The following ZNF385B variants were observed in gnomAD, a reference collection of about 807,000 sequenced individuals.
The protein encoded by ZNF385B is zinc finger protein 533.
A neutral mutation model predicts 39.2 loss-of-function variants in ZNF385B; 23 were observed. The ratio of observed to expected loss-of-function variants is 0.59; its 90% CI spans 0.42 to 0.83. The LOEUF is 0.83. Among genes scored for constraint, ZNF385B ranks in the 40% least tolerant of loss-of-function variants. ZNF385B has a pLI of 0.00. For missense variants in ZNF385B, 552 were observed against 598.9 expected, an observed-to-expected ratio of 0.92 and a Z score of 0.82; for synonymous variants, 205 against 222.6, an observed-to-expected ratio of 0.92 and a Z score of 0.70.
At chr2:179,627,658 T>C (rs1690785974) in intron 3 of ZNF385B, among the ~76,000 whole-genome samples, 1 of 152,194 alleles carries the variant, frequency 6.6e-6, no homozygotes, top group African/African-American at 2.4e-5. Flanking sequence ...GAAATCAGCC[T>C]TGGTGGGAGT....
At chr2:179,658,981 T>C (rs770938443) in intron 3 of ZNF385B, among the ~76,000 whole-genome samples, 8 of 152,202 alleles carry the variant, frequency 5.3e-5, no homozygotes, top group Non-Finnish European at 1.0e-4. Context: ...TTCACCATGT[T>C]GGCCAGGCTG....
rs189754767 is a variant in ZNF385B at position 179,771,085 on chromosome 2, T to C, written c.-154-413A>G. Reference sequence around the variant, plus strand: ...TATGTGTGGGAAAGAATGGCTGAGGTGGCAGTGCTGTGCCATAAGAGATGA... The same window carrying C: ...TATGTGTGGGAAAGAATGGCTGAGGCGGCAGTGCTGTGCCATAAGAGATGA... On this transcript the variant is annotated intron_variant, in intron 1 of 9. Coordinates refer to ENST00000410066, the MANE Select transcript of ZNF385B (RefSeq NM_152520.6). Among the ~76,000 whole-genome samples, 9 of 152,164 alleles carry C rather than the reference T, an allele frequency of 5.9e-5. No homozygotes were observed. In the East Asian group the frequency reaches 1.7e-3, roughly 29 times the overall value.
chr2:179,759,673 C>G (rs1022449245), intron 3 of ZNF385B, among the ~76,000 whole-genome samples: 1 of 152,180 alleles, frequency 6.6e-6, no homozygotes, highest in African/African-American at 2.4e-5. Flanking sequence ...CTCTGAGAAG[C>G]CTTCCTTGAC....
chr2:179,595,314 T>C (rs904809247), intron 3 of ZNF385B, among the ~76,000 whole-genome samples: 6 of 152,212 alleles, frequency 3.9e-5, no homozygotes, highest in African/African-American at 1.4e-4. Flanking sequence ...CTGTGGGAGA[T>C]ACTTATGGAT....
chr2:179,756,311 A>T (rs187382492), intron 3 of ZNF385B, among the ~76,000 whole-genome samples: 1 of 152,066 alleles, frequency 6.6e-6, no homozygotes, highest in Non-Finnish European at 1.5e-5. Flanking sequence ...ATTGGCACCC[A>T]CTCTCTTCTG....
chr2:179,589,430 A>G (rs774852107), intron 3 of ZNF385B, among the ~76,000 whole-genome samples: 13 of 152,184 alleles, frequency 8.5e-5, no homozygotes, highest in Non-Finnish European at 1.8e-4. Context: ...AGAACACCAA[A>G]GAGGAGAACA....
chr2:179,696,717 A>G (rs577117318), intron 3 of ZNF385B, among the ~76,000 whole-genome samples: 2 of 152,246 alleles, frequency 1.3e-5, no homozygotes, highest in South Asian at 4.1e-4. Flanking sequence ...AGAACTTTGC[A>G]TTTAAAAAAA....
chr2:179,638,331 C>T (rs1202764875), intron 3 of ZNF385B, among the ~76,000 whole-genome samples: 1 of 152,152 alleles, frequency 6.6e-6, no homozygotes, highest in African/African-American at 2.4e-5. Context: ...TAAAAATCTT[C>T]TGACTATATG....
At chr2:179,494,643 T>C (rs1298359212) in intron 5 of ZNF385B, among the ~76,000 whole-genome samples, 2 of 152,002 alleles carry the variant, frequency 1.3e-5, no homozygotes, top group African/African-American at 2.4e-5. Flanking sequence ...AACAATTACG[T>C]AGTTAAAAGT....
chr2:179,619,561 A>G (rs1311627890), intron 3 of ZNF385B, among the ~76,000 whole-genome samples: 2 of 152,220 alleles, frequency 1.3e-5, no homozygotes, highest in African/African-American at 4.8e-5. Context: ...GCTGAAAAAG[A>G]AACAGTGATA....
At chr2:179,840,816 C>T (rs966907625) in intron 1 of ZNF385B, among the ~76,000 whole-genome samples, 2 of 152,156 alleles carry the variant, frequency 1.3e-5, no homozygotes, top group African/African-American at 4.8e-5. Context: ...ACTAACATTT[C>T]TCAACTATGC....
intron 1 of ZNF385B, among the ~76,000 whole-genome samples, chr2:179,773,186 A>T (rs765869192): frequency 2.5e-4 from 38 of 152,198 alleles, no homozygotes; most frequent in Admixed American, 7.2e-4. Flanking sequence ...TTGAAAAAAA[A>T]AGGAAACTGA....
intron 3 of ZNF385B, among the ~76,000 whole-genome samples, chr2:179,761,756 C>CTTTTTTTT (rs1420842226): frequency 9.1e-6 from 1 of 109,584 alleles, no homozygotes. Context: ...CATTTTTTTT[C>CTTTTTTTT]TTTTCTTTTT....
intron 5 of ZNF385B, among the ~76,000 whole-genome samples, chr2:179,512,364 G>A (rs77582472): frequency 0.012 from 1,866 of 152,220 alleles, 16 homozygotes; most frequent in Non-Finnish European, 0.02. Context: ...ATTTGATTTT[G>A]TGTAAGAATC....
chr2:179,678,087 G>A (rs1246772366), intron 3 of ZNF385B, among the ~76,000 whole-genome samples: 1 of 152,118 alleles, frequency 6.6e-6, no homozygotes, highest in Non-Finnish European at 1.5e-5. Flanking sequence ...AAGTCAAACT[G>A]AATAAGGCTG....
At chr2:179,493,766 TACATATATGTATATACAC>T in intron 5 of ZNF385B, among the ~76,000 whole-genome samples, 2 of 87,968 alleles carry the variant, frequency 2.3e-5, no homozygotes, top group Non-Finnish European at 5.2e-5. Flanking sequence ...CATATATGTA[TACATATATGTATATACAC>T]ATATGTATAC....
intron 1 of ZNF385B, among the ~76,000 whole-genome samples, chr2:179,836,995 T>C (rs556591975): frequency 6.6e-6 from 1 of 152,314 alleles, no homozygotes; most frequent in African/African-American, 2.4e-5. Flanking sequence ...CTATTCTGCC[T>C]TTCCAGCTCA....
intron 3 of ZNF385B, among the ~76,000 whole-genome samples, chr2:179,761,756 CTTTTCTTTTTT>C (rs956690164): frequency 9.1e-6 from 1 of 109,588 alleles, no homozygotes; most frequent in Non-Finnish European, 1.9e-5. Flanking sequence ...CATTTTTTTT[CTTTTCTTTTTT>C]TTTTTTTTTT....
At chr2:179,643,030 T>C (rs1169754002) in intron 3 of ZNF385B, among the ~76,000 whole-genome samples, 1 of 152,048 alleles carries the variant, frequency 6.6e-6, no homozygotes, top group East Asian at 1.9e-4. Flanking sequence ...CTCAAAACAG[T>C]GATTCACAGA....
Sources: gnomAD v4.1 joint callset for allele counts (sites outside exome capture counted in the v4.1 genomes callset) on GRCh38, gnomAD v4.1.1 for gene constraint, MANE v1.5 for transcripts, NCBI Gene and HGNC (gene_info 2026-07-23, HGNC 2026-07-21) for gene names.